Variants in RP1L1 observed in about 807,000 individuals in gnomAD.
RP1L1 encodes the protein RP1 like 1.
Under a neutral mutation model 15.7 loss-of-function variants are expected in RP1L1, and 27 were observed. The ratio of observed to expected loss-of-function variants is 1.72; its 90% CI spans 1.27 to 2.38. The LOEUF is 2.38. Ranked by LOEUF, RP1L1 falls within the 30% of genes most tolerant of loss-of-function variation. RP1L1 has a pLI of 0.00. For missense variants in RP1L1, 4,798 were observed against 3,075.9 expected, an observed-to-expected ratio of 1.56 and a Z score of -13.24; for synonymous variants, 1,813 against 1,276.7, an observed-to-expected ratio of 1.42 and a Z score of -8.96.
intron 1 of RP1L1, among the ~76,000 whole-genome samples, chr8:10,631,789 C>T (rs1372612274): frequency 2.0e-5 from 3 of 152,172 alleles, no homozygotes; most frequent in South Asian, 2.1e-4. Flanking sequence ...CCTGAACAGA[C>T]GAAGACCAAG....
intron 1 of RP1L1, among the ~76,000 whole-genome samples, chr8:10,653,133 T>A (rs1798586845): frequency 6.6e-6 from 1 of 152,172 alleles, no homozygotes; most frequent in South Asian, 2.1e-4. Context: ...CTAATTTATA[T>A]GACATACTTA....
chr8:10,653,494 G>A (rs115539891), intron 1 of RP1L1, among the ~76,000 whole-genome samples: 3,944 of 102,096 alleles, frequency 0.039, 159 homozygotes, highest in African/African-American at 0.12. Context: ...ACACACACAC[G>A]TGCACTCGTA....
rs1797885247 is a variant in RP1L1 at position 10,612,570 on chromosome 8, C to T, written c.1528G>A (p.Ala510Thr). Residue 510 changes from alanine to threonine, a missense_variant, in exon 4 of 4, where the codon GCA (alanine) becomes ACA (threonine). Ala to Thr is a moderately conservative substitution (Grantham distance 58, BLOSUM62 0). Transcript: ENST00000382483. ...CCTTGCTCTGGGCCGCCCAGCCCTG[C>T]TCCATCTATGCATAGGCCGGGGTCC... ...GEDPGLCIDG[A>T]GLGGPEQGGR... 6.2e-7 allele frequency: 1 copy of T among 1,606,916 alleles called. No individual in the cohort carries two copies. Among genetic ancestry groups the T allele is most frequent in the Non-Finnish European group, 8.5e-7 (1 of 1,179,580 alleles).
chr8:10,652,201 A>G (rs1030706060), intron 1 of RP1L1, among the ~76,000 whole-genome samples: 14 of 152,338 alleles, frequency 9.2e-5, no homozygotes, highest in Middle Eastern at 3.4e-3. Context: ...GAAGCCACGC[A>G]TGACTCCACT....
chr8:10,654,295 T>A (rs999390390), intron 1 of RP1L1, among the ~76,000 whole-genome samples: 4 of 152,186 alleles, frequency 2.6e-5, no homozygotes, highest in African/African-American at 9.7e-5. Flanking sequence ...CAGTCTCTTC[T>A]GCACAAATGG....
chr8:10,644,839 G>A (rs1464793814), intron 1 of RP1L1, among the ~76,000 whole-genome samples: 2 of 152,190 alleles, frequency 1.3e-5, no homozygotes, highest in African/African-American at 2.4e-5. Flanking sequence ...TGTACAGCCA[G>A]GGATGAGAAC....
chr8:10,631,797 A>G (rs1041385926), intron 1 of RP1L1, among the ~76,000 whole-genome samples: 5 of 152,186 alleles, frequency 3.3e-5, no homozygotes, highest in African/African-American at 7.2e-5. Context: ...GACGAAGACC[A>G]AGGGCGATGG....
rs1306289779 is a variant in RP1L1, at chr8:10,607,500, C to T, written c.6598G>A (p.Glu2200Lys). 6.2e-7 allele frequency: 1 copy of T among 1,607,950 alleles called. No individual in the cohort carries two copies. The highest frequency in any genetic ancestry group is 8.5e-7 in the Non-Finnish European group (1 of 1,175,896). Residue 2200 changes from glutamate to lysine, a missense_variant, in exon 4 of 4, where the codon GAG becomes AAG. Transcript: ENST00000382483. Reference sequence around the variant, plus strand: ...TCTGGTTGGGCCTCCCCTTCTGCCTCTGGGGCCTCTATACCTTCTGACTCT... The same window carrying T: ...TCTGGTTGGGCCTCCCCTTCTGCCTTTGGGGCCTCTATACCTTCTGACTCT... ...QPESEGIEAP[E>K]AEGEAQPELE...
rs775803948 is a variant in RP1L1 at position 10,623,209 on chromosome 8, G to A, written c.-8C>T. On this transcript the variant is annotated 5_prime_UTR_variant, in exon 2 of 4. Coordinates refer to ENST00000382483, the MANE Select transcript of RP1L1 (RefSeq NM_178857.6). Reference sequence around the variant, plus strand: ...CCTGGGGGTGCTGTTCATGGTGTGGGGGCTCTGGCCGCTGTAACAGGGCAG... The same window carrying A: ...CCTGGGGGTGCTGTTCATGGTGTGGAGGCTCTGGCCGCTGTAACAGGGCAG... 5 of 1,543,756 alleles carry A rather than the reference G, an allele frequency of 3.2e-6. No individual in the cohort carries two copies. In the Admixed American group the frequency reaches 5.7e-5, roughly 18 times the overall value.
rs749978768 is a variant in RP1L1, at chr8:10,608,279, G to A, written c.5819C>T (p.Ala1940Val). The part of the protein sequence containing the change: ...EDEPESEGAE[A>V]QEAEEAAQEA... Reference sequence around the variant, plus strand: ...CTGGGCCGCCTCTTCTGCCTCTTGGGCCTCTGCACCTTCTGACTCTGGCTC... The same window carrying A: ...CTGGGCCGCCTCTTCTGCCTCTTGGACCTCTGCACCTTCTGACTCTGGCTC... The change falls in exon 4 of 4, where the codon GCC becomes GTC. Residue 1940 changes from alanine to valine, a missense_variant. Transcript: ENST00000382483. 9 of 1,597,018 alleles carry A rather than the reference G, an allele frequency of 5.6e-6. No homozygotes were observed. The highest frequency in any genetic ancestry group is 7.7e-6 in the Non-Finnish European group (9 of 1,168,124).
chr8:10,630,536 A>G (rs1798225303), intron 1 of RP1L1, among the ~76,000 whole-genome samples: 2 of 152,220 alleles, frequency 1.3e-5, no homozygotes, highest in Admixed American at 1.3e-4. Context: ...AATTCTGCAG[A>G]GTGGAGGGTT....
intron 1 of RP1L1, among the ~76,000 whole-genome samples, chr8:10,636,447 G>A (rs553150032): frequency 1.3e-5 from 2 of 152,272 alleles, no homozygotes; most frequent in South Asian, 2.1e-4. Context: ...TGGAGACATC[G>A]CATCTGCCCT....
rs778363368 is a variant in RP1L1, at chr8:10,612,523, G to T, written c.1575C>A (p.Ala525=). 4.7e-5 allele frequency: 75 copies of T among 1,610,800 alleles called. No homozygotes were observed. Among genetic ancestry groups the T allele is most frequent in the Non-Finnish European group, 2.4e-5 (28 of 1,179,538 alleles). Residue 525 remains alanine, a synonymous_variant, in exon 4 of 4, where the codon GCC becomes GCA. Coordinates refer to ENST00000382483, the MANE Select transcript of RP1L1 (RefSeq NM_178857.6). ...PEQGGRLTPR[A]RSEEGASSDS... ...CCGAAGAAGCCCCCTCCTCACTCCG[G>T]GCCCTCGGTGTCAGGCGGCCGCCTT...
chr8:10,631,362 AAC>A (rs780168115), intron 1 of RP1L1, among the ~76,000 whole-genome samples: 14,693 of 46,110 alleles, frequency 0.32, 1,214 homozygotes, highest in Non-Finnish European at 0.37. Context: ...CATGCACACA[AAC>A]ACACATGCAC....
At chr8:10,631,374 CACAA>C (rs773221557) in intron 1 of RP1L1, among the ~76,000 whole-genome samples, 101,357 of 134,636 alleles carry the variant, frequency 0.75, 36,996 homozygotes, top group East Asian at 0.98. Context: ...CACACATGCA[CACAA>C]ACACACATGC....
intron 2 of RP1L1, among the ~76,000 whole-genome samples, chr8:10,619,609 G>A (rs570959924): frequency 6.6e-6 from 1 of 152,238 alleles, no homozygotes; most frequent in African/African-American, 2.4e-5. Context: ...CAAACCCTCT[G>A]AGTGTAATTC....
chr8:10,641,150 G>A (rs1798400879), intron 1 of RP1L1, among the ~76,000 whole-genome samples: 1 of 152,152 alleles, frequency 6.6e-6, no homozygotes, highest in East Asian at 1.9e-4. Flanking sequence ...ATCCCATCAT[G>A]GGCCATGTTC....
intron 1 of RP1L1, among the ~76,000 whole-genome samples, chr8:10,636,471 G>A (rs1379013328): frequency 6.6e-6 from 1 of 152,178 alleles, no homozygotes; most frequent in Non-Finnish European, 1.5e-5. Context: ...GGGCTGTAGT[G>A]GGATTGACTG....
In RP1L1 at chr8:10,655,097, T is replaced by C. The variant is rs540793696; in HGVS notation, c.-219A>G. The C allele has an allele frequency of 1.3e-5, 2 of 152,886 alleles. No individual in the cohort carries two copies. The highest frequency in any genetic ancestry group is 4.1e-4 in the South Asian group (2 of 4,824). 9.5% of individuals were successfully genotyped at this position (152,886 alleles called of 1,614,324 possible). On this transcript the variant is annotated 5_prime_UTR_variant, in exon 1 of 4. Coordinates refer to ENST00000382483, the MANE Select transcript of RP1L1 (RefSeq NM_178857.6). ...CCTGAGAGCCTGAGGCCCCAGTCCCTTGGGCAGGAGCCCAGCCTCCTGAGC... is the reference window on the plus strand; with the variant it reads ...CCTGAGAGCCTGAGGCCCCAGTCCCCTGGGCAGGAGCCCAGCCTCCTGAGC...
Sources: gnomAD v4.1 joint callset for allele counts (sites outside exome capture counted in the v4.1 genomes callset) on GRCh38, gnomAD v4.1.1 for gene constraint, MANE v1.5 for transcripts, NCBI Gene and HGNC (gene_info 2026-07-23, HGNC 2026-07-21) for gene names.